The following KIAA0513 variants were observed in gnomAD, a reference collection of about 807,000 sequenced individuals.
KIAA0513 encodes uncharacterized protein KIAA0513.
A neutral mutation model predicts 56.5 loss-of-function variants in KIAA0513; 39 were observed. The observed-to-expected ratio is 0.69, with a 90% CI of 0.53 to 0.90. The LOEUF (loss-of-function observed/expected upper bound fraction) is 0.90, where lower values mean the gene tolerates loss of function less well. KIAA0513 is among the 40% of genes least tolerant of loss of function. The pLI is 0.00. For synonymous variants in KIAA0513, 268 were observed against 215.6 expected, an observed-to-expected ratio of 1.24 and a Z score of -2.13; for missense variants, 591 against 535.2, an observed-to-expected ratio of 1.10 and a Z score of -1.03.
intron 1 of KIAA0513, among the ~76,000 whole-genome samples, chr16:85,051,633 C>T (rs750063781): frequency 7.9e-5 from 12 of 152,106 alleles, no homozygotes; most frequent in Admixed American, 1.3e-4. Flanking sequence ...TCTCACACAG[C>T]GACTCTTACA....
Position 85,076,844 on chromosome 16 carries a change from A to G in KIAA0513, c.575-581A>G, listed in dbSNP as rs980253195. 1.3e-5 allele frequency among the ~76,000 whole-genome samples: 2 copies of G among 152,132 alleles called. No individual in the cohort carries two copies. Among genetic ancestry groups the G allele is most frequent in the Non-Finnish European group, 2.9e-5 (2 of 68,006 alleles). On this transcript the variant is annotated intron_variant, in intron 5 of 12. Transcript: ENST00000683363. This position sits in a 1 kb window ranked among gnomAD's most constrained non-coding sequence, Gnocchi z 4.7. ...CATAATGAATAGACACTGCTTCCTG[A>G]GACAGGGCCACCCACAGCAGCTTCA...
chr16:85,071,057 G>C (rs957037364), intron 2 of KIAA0513, among the ~76,000 whole-genome samples: 1 of 152,218 alleles, frequency 6.6e-6, no homozygotes. Context: ...GTGATCTTCA[G>C]CCTTCTGCTC....
intron 1 of KIAA0513, among the ~76,000 whole-genome samples, chr16:85,064,953 G>A (rs1053671512): frequency 2.4e-4 from 36 of 152,310 alleles, no homozygotes; most frequent in African/African-American, 8.7e-4. Flanking sequence ...CCAAAGTGCT[G>A]GGATAACAGG....
At position 85,091,543 on chromosome 16, in the gene KIAA0513, G is replaced by C. The variant is rs2073867465; in HGVS notation, c.*3218G>C. 1 of 152,196 alleles carries C rather than the reference G, an allele frequency of 6.6e-6. No individual in the cohort carries two copies. The highest frequency in any genetic ancestry group is 1.5e-5 in the Non-Finnish European group (1 of 68,046). The allele number at this position is 152,196 out of a possible 1,614,324, so 9.4% of individuals were successfully genotyped here. ...AGCTCTGTACCCAAATTAAAATCCTGATGTTCAGGTTAATCCAAGCAACAC... is the reference window on the plus strand; with the variant it reads ...AGCTCTGTACCCAAATTAAAATCCTCATGTTCAGGTTAATCCAAGCAACAC... On this transcript the variant is annotated 3_prime_UTR_variant, in exon 13 of 13. Transcript: ENST00000683363.
At chr16:85,055,547 A>G (rs1463496308) in intron 1 of KIAA0513, among the ~76,000 whole-genome samples, 1 of 152,140 alleles carries the variant, frequency 6.6e-6, no homozygotes, top group Non-Finnish European at 1.5e-5. Context: ...GTCTGTAACA[A>G]ACACACACAA....
intron 1 of KIAA0513, among the ~76,000 whole-genome samples, chr16:85,043,891 G>A (rs975302003): frequency 4.6e-5 from 7 of 152,158 alleles, no homozygotes; most frequent in African/African-American, 1.7e-4. Context: ...AATTAGCCGG[G>A]CGAGGTGGCG....
chr16:85,034,531 C>G (rs1026513524), intron 1 of KIAA0513, among the ~76,000 whole-genome samples: 2 of 151,976 alleles, frequency 1.3e-5, no homozygotes, highest in Admixed American at 1.3e-4. Context: ...GGGTGGTTTT[C>G]GTAGTCTTGT....
At chr16:85,045,110 T>C (rs1403972637) in intron 1 of KIAA0513, among the ~76,000 whole-genome samples, 2 of 151,686 alleles carry the variant, frequency 1.3e-5, no homozygotes, top group African/African-American at 4.9e-5. Flanking sequence ...AGAGCGAGAC[T>C]CCGTCTCTAA....
chr16:85,063,255 G>T (rs1196211916), intron 1 of KIAA0513: 11 of 152,222 alleles, frequency 7.2e-5, no homozygotes, highest in Non-Finnish European at 1.6e-4. Flanking sequence ...CGATCGTCCA[G>T]TTTGATTGAT....
Position 85,077,468 on chromosome 16 carries a change from G to T in KIAA0513, c.618G>T (p.Ala206=). 1 of 1,614,124 alleles carries T rather than the reference G, an allele frequency of 6.2e-7. No individual in the cohort carries two copies. The highest frequency in any genetic ancestry group is 8.5e-7 in the Non-Finnish European group (1 of 1,180,032). ...CCCCGGAGTCCCGGGAGAAGCCCGC[G>T]GGCAGCATCGACTCCTACCTGAAAT... The part of the protein sequence containing the change: ...LLPPESREKP[A]GSIDSYLKSA... The change falls in exon 6 of 13, where the codon GCG becomes GCT. Residue 206 remains alanine (A), a synonymous_variant. Coordinates refer to ENST00000683363, the MANE Select transcript of KIAA0513 (RefSeq NM_001388359.1).
At chr16:85,087,688 G>A (rs896738012) in intron 12 of KIAA0513, among the ~76,000 whole-genome samples, 26 of 152,198 alleles carry the variant, frequency 1.7e-4, no homozygotes, top group African/African-American at 3.1e-4. Flanking sequence ...GTGTGCCCCC[G>A]CCATCTGCCA....
At position 85,078,716 on chromosome 16, in the gene KIAA0513, C is replaced by T. The variant is rs144953587; in HGVS notation, c.824-209C>T. Reference sequence around the variant, plus strand: ...ACTGCGAGGGGCTGTGGCCATGCTACGGAACCATCCCTCAGAAGAAGTCCT... The same window carrying T: ...ACTGCGAGGGGCTGTGGCCATGCTATGGAACCATCCCTCAGAAGAAGTCCT... On this transcript the variant is annotated intron_variant, in intron 7 of 12. Transcript: ENST00000683363. Among the ~76,000 whole-genome samples, 105 of 152,352 alleles carry T rather than the reference C, an allele frequency of 6.9e-4. 1 individual carries two copies. Among genetic ancestry groups the T allele is most frequent in the Middle Eastern group, 3.4e-3 (1 of 294 alleles).
chr16:85,054,955 C>G (rs531393262), intron 1 of KIAA0513, among the ~76,000 whole-genome samples: 3 of 152,220 alleles, frequency 2.0e-5, no homozygotes, highest in South Asian at 4.1e-4. Context: ...CAGGGTCTCT[C>G]TCTGTTACAA....
intron 1 of KIAA0513, among the ~76,000 whole-genome samples, chr16:85,052,719 G>T (rs1176577941): frequency 6.6e-6 from 1 of 152,088 alleles, no homozygotes; most frequent in Non-Finnish European, 1.5e-5. Flanking sequence ...AGAGTGAATG[G>T]CATCATCACT....
At chr16:85,047,286 C>G (rs1194123573) in intron 1 of KIAA0513, among the ~76,000 whole-genome samples, 1 of 152,212 alleles carries the variant, frequency 6.6e-6, no homozygotes, top group Non-Finnish European at 1.5e-5. Context: ...TTTACATATG[C>G]CTCGCTCAGG....
intron 1 of KIAA0513, among the ~76,000 whole-genome samples, chr16:85,047,131 A>T (rs2073182146): frequency 2.6e-5 from 4 of 152,128 alleles, no homozygotes; most frequent in Admixed American, 2.6e-4. Flanking sequence ...AGTCCCTACC[A>T]TTCTGCTGTG....
At chr16:85,085,667 AAC>A (rs1278669198) in intron 10 of KIAA0513, among the ~76,000 whole-genome samples, 1 of 152,196 alleles carries the variant, frequency 6.6e-6, no homozygotes, top group African/African-American at 2.4e-5. Flanking sequence ...AGGAGCCGGC[AAC>A]ACAGAAAAGC....
chr16:85,089,440 A>C lies in KIAA0513; in HGVS notation c.*1115A>C, dbSNP rs1261849096. On this transcript the variant is annotated 3_prime_UTR_variant, in exon 13 of 13. Coordinates refer to ENST00000683363, the MANE Select transcript of KIAA0513 (RefSeq NM_001388359.1). This position sits in a 1 kb window ranked among gnomAD's most constrained non-coding sequence, Gnocchi z 4.2. ...TTCACCTCGCACTTACTGCCTGGGAACCACGGCCCTTCTCTTCTGTGGGTC... is the reference window on the plus strand; with the variant it reads ...TTCACCTCGCACTTACTGCCTGGGACCCACGGCCCTTCTCTTCTGTGGGTC... 6.6e-6 allele frequency: 1 copy of C among 152,628 alleles called. No individual in the cohort carries two copies. The highest frequency in any genetic ancestry group is 1.9e-4 in the East Asian group (1 of 5,208). The allele number at this position is 152,628 out of a possible 1,614,324, so 9.5% of individuals were successfully genotyped here.
chr16:85,067,727 C>T (rs564562379), intron 2 of KIAA0513, among the ~76,000 whole-genome samples: 11 of 152,306 alleles, frequency 7.2e-5, no homozygotes, highest in East Asian at 5.8e-4. Flanking sequence ...TGGAGGGACA[C>T]GCTCCGGAGT....
Sources: gnomAD v4.1 joint callset for allele counts (sites outside exome capture counted in the v4.1 genomes callset) on GRCh38, gnomAD v4.1.1 for gene constraint, Gnocchi (gnomAD v3.1) non-coding constraint, MANE v1.5 for transcripts, NCBI Gene and HGNC (gene_info 2026-07-23, HGNC 2026-07-21) for gene names.